The following SLC35F1 variants were observed in gnomAD, a reference collection of about 807,000 sequenced individuals.
SLC35F1 encodes solute carrier family 35 member F1, also known as chromosome 6 open reading frame 169.
A neutral mutation model predicts 48.7 loss-of-function variants in SLC35F1; 14 were observed. The ratio of observed to expected loss-of-function variants is 0.29; its 90% CI spans 0.19 to 0.45. The LOEUF is 0.45. SLC35F1 is among the 20% of genes least tolerant of loss of function. SLC35F1 has a pLI of 1.00. For synonymous variants in SLC35F1, 190 were observed against 202.2 expected, an observed-to-expected ratio of 0.94 and a Z score of 0.51; for missense variants, 404 against 500.0, an observed-to-expected ratio of 0.81 and a Z score of 1.83.
At chr6:118,181,945 C>A (rs185583162) in intron 2 of SLC35F1, among the ~76,000 whole-genome samples, 14 of 152,034 alleles carry the variant, frequency 9.2e-5, no homozygotes, top group Non-Finnish European at 1.9e-4. Flanking sequence ...ACTGTCCTAG[C>A]AAAGTGGGAG....
At chr6:118,115,451 A>G (rs1273599060) in intron 1 of SLC35F1, among the ~76,000 whole-genome samples, 4 of 152,196 alleles carry the variant, frequency 2.6e-5, no homozygotes, top group African/African-American at 9.7e-5. Context: ...TTTATCCTAG[A>G]ATAAAAATAT....
At chr6:117,947,675 G>A (rs1471094760) in intron 1 of SLC35F1, among the ~76,000 whole-genome samples, 1 of 152,192 alleles carries the variant, frequency 6.6e-6, no homozygotes, top group African/African-American at 2.4e-5. Flanking sequence ...GACAAGAAGT[G>A]TTAAAGGTTT....
At chr6:118,171,096 G>C (rs1257296139) in intron 2 of SLC35F1, among the ~76,000 whole-genome samples, 1 of 151,992 alleles carries the variant, frequency 6.6e-6, no homozygotes, top group Non-Finnish European at 1.5e-5. Context: ...GAGTGCAATG[G>C]CTTGATCATG....
intron 1 of SLC35F1, among the ~76,000 whole-genome samples, chr6:118,098,593 T>C (rs1412138622): frequency 6.6e-6 from 1 of 152,196 alleles, no homozygotes; most frequent in East Asian, 1.9e-4. Flanking sequence ...TCCTGTCTTA[T>C]GTCTTTTTTT....
chr6:118,085,575 G>T (rs1432076687), intron 1 of SLC35F1, among the ~76,000 whole-genome samples: 1 of 122,706 alleles, frequency 8.1e-6, no homozygotes, highest in Non-Finnish European at 1.6e-5. Flanking sequence ...TTGGCTCACT[G>T]CAACCTTCAC....
intron 1 of SLC35F1, among the ~76,000 whole-genome samples, chr6:117,923,217 A>AT (rs1318372931): frequency 1.3e-5 from 2 of 152,126 alleles, no homozygotes; most frequent in Non-Finnish European, 2.9e-5. Context: ...TTTCTAAAGC[A>AT]TATGTATAGT....
chr6:118,275,524 G>A lies in SLC35F1; in HGVS notation c.703G>A (p.Val235Ile), dbSNP rs575430378. 2.5e-6 allele frequency: 4 copies of A among 1,613,924 alleles called. No individual in the cohort carries two copies. Among genetic ancestry groups the A allele is most frequent in the East Asian group, 2.2e-5 (1 of 44,828 alleles). Residue 235 changes from valine (V) to isoleucine (I), a missense_variant, in exon 5 of 8, where the codon GTC (valine) becomes ATC (isoleucine). Transcript: ENST00000360388. ...AGCCACACTCTATGGTATTTCTAACGTCTGGGAAGAATACATCATCCGAAC... is the reference window on the plus strand; with the variant it reads ...AGCCACACTCTATGGTATTTCTAACATCTGGGAAGAATACATCATCCGAAC... Reference protein sequence around the residue: ...GGATLYGISNVWEEYIIRTLS... With the variant: ...GGATLYGISNIWEEYIIRTLS...
intron 1 of SLC35F1, among the ~76,000 whole-genome samples, chr6:118,126,118 A>G (rs902174330): frequency 2.6e-5 from 4 of 152,186 alleles, no homozygotes; most frequent in Non-Finnish European, 5.9e-5. Flanking sequence ...TTCAAAGATG[A>G]CAGCCCCAGC....
rs144694290 is a variant in SLC35F1, at chr6:118,137,969, C to T, written c.174-16476C>T. On this transcript the variant is annotated intron_variant, in intron 1 of 7. Coordinates refer to ENST00000360388, the MANE Select transcript of SLC35F1 (RefSeq NM_001029858.4). ...CTGGGAGCATTTGCTTTAGCCCCCT[C>T]AGTTTCCCTGCCTAATAGAAACTAT... Among the ~76,000 whole-genome samples the T allele has an allele frequency of 6.6e-3, 1,006 of 152,254 alleles. 8 individuals carry two copies. Among genetic ancestry groups the T allele is most frequent in the Middle Eastern group, 0.014 (4 of 294 alleles).
At chr6:118,076,173 G>C (rs1772814805) in intron 1 of SLC35F1, among the ~76,000 whole-genome samples, 1 of 152,106 alleles carries the variant, frequency 6.6e-6, no homozygotes, top group African/African-American at 2.4e-5. Context: ...AGCTTTGATT[G>C]TTAGAATACT....
At chr6:118,310,119 G>A (rs283042) in intron 7 of SLC35F1, among the ~76,000 whole-genome samples, 89,699 of 152,060 alleles carry the variant, frequency 0.59, 27,081 homozygotes, top group African/African-American at 0.69. Flanking sequence ...CTATGTCTGC[G>A]GCACAGAACA....
chr6:118,057,537 G>GAA (rs60610908), intron 1 of SLC35F1, among the ~76,000 whole-genome samples: 2 of 151,616 alleles, frequency 1.3e-5, no homozygotes, highest in Admixed American at 1.3e-4. Flanking sequence ...ATAGTAAGAA[G>GAA]AAAAAAAAAT....
chr6:118,112,121 CTTTTCT>C (rs1773415520), intron 1 of SLC35F1, among the ~76,000 whole-genome samples: 1 of 99,640 alleles, frequency 1.0e-5, no homozygotes, highest in Non-Finnish European at 2.0e-5. Context: ...CTTTTCTTTT[CTTTTCT>C]TTTCTTTTCT....
In SLC35F1 at chr6:118,083,042, C is replaced by T. The variant is rs146283068; in HGVS notation, c.174-71403C>T. ...ACTGCTAGGCAGAGAAAAACAACAG[C>T]TGTTATCTAAAAAACAAATTGAATG... On this transcript the variant is annotated intron_variant, in intron 1 of 7. Coordinates refer to ENST00000360388, the MANE Select transcript of SLC35F1 (RefSeq NM_001029858.4). Among the ~76,000 whole-genome samples the T allele has an allele frequency of 4.6e-3, 695 of 152,238 alleles. 5 individuals carry two copies. The highest frequency in any genetic ancestry group is 0.015 in the African/African-American group (638 of 41,544).
intron 1 of SLC35F1, among the ~76,000 whole-genome samples, chr6:118,147,628 A>G (rs991988322): frequency 6.6e-6 from 1 of 152,298 alleles, no homozygotes; most frequent in Non-Finnish European, 1.5e-5. Flanking sequence ...TCATGGAGCC[A>G]GGGGCTTCCA....
chr6:118,047,252 T>C (rs1772314176), intron 1 of SLC35F1, among the ~76,000 whole-genome samples: 1 of 152,174 alleles, frequency 6.6e-6, no homozygotes, highest in South Asian at 2.1e-4. Context: ...ATTCTGTTGT[T>C]CTTATCTTCA....
At chr6:117,908,646 A>G (rs1363929555) in intron 1 of SLC35F1, among the ~76,000 whole-genome samples, 1 of 152,202 alleles carries the variant, frequency 6.6e-6, no homozygotes, top group East Asian at 1.9e-4. Flanking sequence ...CAGGACGTTG[A>G]CGTTTTAGGA....
intron 3 of SLC35F1, among the ~76,000 whole-genome samples, chr6:118,255,473 C>T (rs1212868479): frequency 6.6e-6 from 1 of 152,170 alleles, no homozygotes; most frequent in Non-Finnish European, 1.5e-5. Flanking sequence ...CTGCTCTCAC[C>T]GAAGGCAGAT....
chr6:118,203,638 GT>G (rs924359708), intron 2 of SLC35F1, among the ~76,000 whole-genome samples: 1 of 152,126 alleles, frequency 6.6e-6, no homozygotes, highest in African/African-American at 2.4e-5. Flanking sequence ...GGATGTGTCT[GT>G]TTCCTGCCAA....
Sources: allele counts gnomAD v4.1 joint callset (sites outside exome capture counted in the v4.1 genomes callset), GRCh38; gene constraint gnomAD v4.1.1; transcripts MANE v1.5; gene names NCBI Gene and HGNC (gene_info 2026-07-23, HGNC 2026-07-21).